Variants in RHOH observed in about 807,000 individuals in gnomAD.
RHOH encodes the protein ras homolog family member H.
In RHOH, 6 loss-of-function variants were observed where a neutral mutation model predicts 13.8. The observed-to-expected ratio is 0.44, with a 90% CI of 0.24 to 0.86. The LOEUF (loss-of-function observed/expected upper bound fraction) is 0.86. Among genes scored for constraint, RHOH ranks in the 40% least tolerant of loss-of-function variants. RHOH has a pLI of 0.24. For missense variants in RHOH, 147 were observed against 244.5 expected, an observed-to-expected ratio of 0.60 and a Z score of 2.66; for synonymous variants, 117 against 103.0, an observed-to-expected ratio of 1.14 and a Z score of -0.82.
chr4:40,240,915 G>A (rs1729161972), intron 1 of RHOH, among the ~76,000 whole-genome samples: 2 of 152,208 alleles, frequency 1.3e-5, no homozygotes, highest in South Asian at 4.1e-4. Flanking sequence ...CCAGCACTTT[G>A]GGAGGCTGAG....
intron 1 of RHOH, among the ~76,000 whole-genome samples, chr4:40,237,853 C>A (rs770851780): frequency 6.6e-6 from 1 of 152,194 alleles, no homozygotes; most frequent in Admixed American, 6.5e-5. Flanking sequence ...CACCAAAGCC[C>A]AGCTAACTTC....
chr4:40,242,409 A>G (rs1368562587), intron 1 of RHOH, among the ~76,000 whole-genome samples: 2 of 152,238 alleles, frequency 1.3e-5, no homozygotes, highest in Non-Finnish European at 2.9e-5. Flanking sequence ...AGTGGTTCCT[A>G]AATTTATCAC....
chr4:40,195,418 CCTCCCCTTCTCTTCCTT>C (rs1723045877), upstream of RHOH, among the ~76,000 whole-genome samples: 2 of 140,708 alleles, frequency 1.4e-5, no homozygotes, highest in African/African-American at 5.4e-5. Flanking sequence ...TCCTTCCTTC[CCTCCCCTTCTCTTCCTT>C]TTCCTTCCCT....
chr4:40,222,862 C>T (rs1253633988), intron 1 of RHOH, among the ~76,000 whole-genome samples: 3 of 152,140 alleles, frequency 2.0e-5, no homozygotes, highest in African/African-American at 7.2e-5. Context: ...TTTTAGATGC[C>T]ATTCAGAACA....
intron 1 of RHOH, among the ~76,000 whole-genome samples, chr4:40,234,146 G>A (rs1429527893): frequency 6.7e-6 from 1 of 149,006 alleles, no homozygotes; most frequent in Non-Finnish European, 1.5e-5. Flanking sequence ...TTCAGCTCAG[G>A]CCCCAAACAT....
chr4:40,237,646 G>C (rs755535983), intron 1 of RHOH, among the ~76,000 whole-genome samples: 17 of 152,176 alleles, frequency 1.1e-4, no homozygotes, highest in Non-Finnish European at 1.9e-4. Context: ...AATTGTGTTA[G>C]ATTCATGGTG....
At chr4:40,204,946 C>T (rs188840212) in intron 1 of RHOH, among the ~76,000 whole-genome samples, 54 of 152,314 alleles carry the variant, frequency 3.5e-4, no homozygotes, top group African/African-American at 1.2e-3. Context: ...CTTATCAGCT[C>T]GTGATGCCTT....
rs1213182155 is a variant in RHOH at position 40,244,882 on chromosome 4, T to C, written c.*920T>C. ...GACAGGGGTCTCAAAGTTCTGTTAA[T>C]TTCACAAATTTGTTATAAATTTGTC... On this transcript the variant is annotated 3_prime_UTR_variant, in exon 3 of 3. Transcript: ENST00000381799. The C allele has an allele frequency of 1.2e-5, 2 of 163,886 alleles. No homozygotes were observed. Among genetic ancestry groups the C allele is most frequent in the Non-Finnish European group, 2.7e-5 (2 of 74,934 alleles). The allele number at this position is 163,886 out of a possible 1,614,324, so 10.2% of individuals were successfully genotyped here.
rs2109598901 is a variant in RHOH at position 40,245,041 on chromosome 4, A to C, written c.*1079A>C. On this transcript the variant is annotated 3_prime_UTR_variant, in exon 3 of 3. Transcript: ENST00000381799. ...TACAGCCTTCAAAAAAGAAAAATCA[A>C]ATTCCAAGCACAGGAATAAGAAAGC... is the stretch of plus-strand genomic sequence containing the variant. The C allele has an allele frequency of 6.6e-6, 1 of 152,452 alleles. No individual in the cohort carries two copies. The highest frequency in any genetic ancestry group is 2.4e-5 in the African/African-American group (1 of 41,570). 9.4% of individuals were successfully genotyped at this position (152,452 alleles called of 1,614,324 possible).
rs1321329346 is a variant in RHOH at position 40,230,701 on chromosome 4, A to G, written c.-330-12013A>G. Among the ~76,000 whole-genome samples the G allele has an allele frequency of 4.6e-5, 7 of 152,096 alleles. No individual in the cohort carries two copies. The East Asian group carries it at 1.4e-3, about 29-fold the overall frequency. On this transcript the variant is annotated intron_variant, in intron 1 of 2. Coordinates refer to ENST00000381799, the MANE Select transcript of RHOH (RefSeq NM_004310.5). ...AAACTCTTATGAGTAAGAAGAAAGA[A>G]GAGGTGGCTTGGGGCTGAGGATAGC...
intron 1 of RHOH, chr4:40,212,804 C>G (rs1488421458): frequency 6.6e-6 from 1 of 152,232 alleles, no homozygotes; most frequent in Non-Finnish European, 1.5e-5. Context: ...AAGATGCTCC[C>G]TGATGGGGAC....
chr4:40,218,084 G>A lies in RHOH; in HGVS notation c.-331+20784G>A, dbSNP rs1432189271. The A allele has an allele frequency of 6.6e-6, 1 of 152,150 alleles. No individual in the cohort carries two copies. The highest frequency in any genetic ancestry group is 2.4e-5 in the African/African-American group (1 of 41,428). The allele number at this position is 152,150 out of a possible 1,614,324, so 9.4% of individuals were successfully genotyped here. A position where few individuals can be genotyped will look rare whatever the true frequency, so the allele number is the denominator to read the frequency against. ...ACAAGGTACAAAACTTCTGTCCTTG[G>A]TATGAACATTTGGGAGGCAAGTGAG... is the stretch of plus-strand genomic sequence containing the variant. On this transcript the variant is annotated intron_variant, in intron 1 of 2. Transcript: ENST00000381799. The surrounding 1 kb of genome is among the most constrained non-coding windows in gnomAD (Gnocchi z 4.1).
intron 1 of RHOH, among the ~76,000 whole-genome samples, chr4:40,217,173 T>G (rs1004088166): frequency 2.0e-5 from 3 of 152,208 alleles, no homozygotes; most frequent in African/African-American, 7.2e-5. Flanking sequence ...CTGTCAGATG[T>G]GGCAGGAGGG....
chr4:40,227,766 G>A (rs1251698744), intron 1 of RHOH, among the ~76,000 whole-genome samples: 1 of 152,046 alleles, frequency 6.6e-6, no homozygotes, highest in African/African-American at 2.4e-5. Flanking sequence ...GGAAAAGTAG[G>A]TAAAACTGAT....
At chr4:40,237,550 G>C (rs991708027) in intron 1 of RHOH, among the ~76,000 whole-genome samples, 1 of 152,220 alleles carries the variant, frequency 6.6e-6, no homozygotes, top group African/African-American at 2.4e-5. Context: ...CTTTTGCTGT[G>C]ATGTCCCTGC....
At chr4:40,210,089 C>CGTGCGT (rs1553933900) in intron 1 of RHOH, among the ~76,000 whole-genome samples, 3 of 145,556 alleles carry the variant, frequency 2.1e-5, no homozygotes, top group Non-Finnish European at 3.0e-5. Context: ...ACATTGTGTG[C>CGTGCGT]GTGTGTGTGT....
intron 1 of RHOH, among the ~76,000 whole-genome samples, chr4:40,223,547 T>C (rs1726848181): frequency 6.7e-6 from 1 of 149,096 alleles, no homozygotes; most frequent in Admixed American, 6.8e-5. Flanking sequence ...CATAGCTCAC[T>C]GTAGCCTCCC....
chr4:40,216,136 A>ATT (rs35028517), intron 1 of RHOH, among the ~76,000 whole-genome samples: 4,721 of 132,534 alleles, frequency 0.036, 248 homozygotes, highest in African/African-American at 0.1. Context: ...GACAGTTGCT[A>ATT]TTTTTTTTTT....
rs180855161 is a variant in RHOH at position 40,218,062 on chromosome 4, A to G, written c.-331+20762A>G. 6.6e-6 allele frequency: 1 copy of G among 152,200 alleles called. No homozygotes were observed. The highest frequency in any genetic ancestry group is 1.5e-5 in the Non-Finnish European group (1 of 68,030). The allele number at this position is 152,200 out of a possible 1,614,324, so 9.4% of individuals were successfully genotyped here. ...TTTAAGGTATGGAGTGCTTTGTACA[A>G]GGTACAAAACTTCTGTCCTTGGTAT... On this transcript the variant is annotated intron_variant, in intron 1 of 2. Transcript: ENST00000381799. The surrounding 1 kb of genome is among the most constrained non-coding windows in gnomAD (Gnocchi z 4.1).
Sources: allele counts gnomAD v4.1 joint callset (sites outside exome capture counted in the v4.1 genomes callset), GRCh38; gene constraint gnomAD v4.1.1; non-coding constraint Gnocchi (gnomAD v3.1); transcripts MANE v1.5; gene names NCBI Gene and HGNC (gene_info 2026-07-23, HGNC 2026-07-21).